PCGF5: variants seen among roughly 807,000 people sequenced by gnomAD.
The protein encoded by PCGF5 is polycomb group RING finger protein 5.
Under a neutral mutation model 44.3 loss-of-function variants are expected in PCGF5, and 9 were observed. The observed-to-expected ratio is 0.20, with a 90% confidence interval of 0.12 to 0.35. The LOEUF (loss-of-function observed/expected upper bound fraction) is 0.35, where lower values mean the gene tolerates loss of function less well. PCGF5 is among the 10% of genes least tolerant of loss of function. PCGF5 has a pLI of 1.00. For synonymous variants in PCGF5, 95 were observed against 102.5 expected (o/e 0.93, Z 0.44); for missense variants, 146 against 305.3 (o/e 0.48, Z 3.89).
At chr10:91,174,738 G>A (rs1319702249) in intron 1 of PCGF5, among the ~76,000 whole-genome samples, 1 of 152,110 alleles carries the variant, frequency 6.6e-6, no homozygotes, top group Non-Finnish European at 1.5e-5. Context: ...AAAAATTATG[G>A]CTGTTAAAAG....
chr10:91,172,250 C>G (rs1843622075), intron 1 of PCGF5, among the ~76,000 whole-genome samples: 1 of 152,052 alleles, frequency 6.6e-6, no homozygotes, highest in African/African-American at 2.4e-5. Context: ...CGTGATGAAA[C>G]CCTATTAAAA....
At chr10:91,239,232 G>C (rs990511822) in intron 2 of PCGF5, among the ~76,000 whole-genome samples, 1 of 152,122 alleles carries the variant, frequency 6.6e-6, no homozygotes, top group African/African-American at 2.4e-5. Flanking sequence ...GCTTTGTTTT[G>C]TTGGCCCCTG....
At chr10:91,179,238 A>G (rs1397149914) in intron 1 of PCGF5, among the ~76,000 whole-genome samples, 3 of 152,238 alleles carry the variant, frequency 2.0e-5, no homozygotes, top group Non-Finnish European at 4.4e-5. Flanking sequence ...TCAGAGGAAT[A>G]GGAGGAAAGC....
intron 1 of PCGF5, among the ~76,000 whole-genome samples, chr10:91,183,907 G>A (rs1398186441): frequency 6.6e-6 from 1 of 152,198 alleles, no homozygotes; most frequent in Non-Finnish European, 1.5e-5. Context: ...CTTCTGGCTT[G>A]TAGGGTTTCT....
chr10:91,275,251 A>G (rs1301405673), intron 9 of PCGF5, among the ~76,000 whole-genome samples: 2 of 152,072 alleles, frequency 1.3e-5, no homozygotes, highest in Non-Finnish European at 2.9e-5. Flanking sequence ...CAAGAAGGAA[A>G]CACAATGGGC....
chr10:91,284,142 C>G lies in PCGF5; in HGVS notation c.*5826C>G, dbSNP rs1846521189. 6.6e-6 allele frequency: 1 copy of G among 151,498 alleles called. No individual in the cohort carries two copies. The highest frequency in any genetic ancestry group is 1.5e-5 in the Non-Finnish European group (1 of 67,820). The allele number at this position is 151,498 out of a possible 1,614,324, so 9.4% of individuals were successfully genotyped here. A position where few individuals can be genotyped will look rare whatever the true frequency, so the allele number is the denominator to read the frequency against. Reference sequence around the variant, plus strand: ...CTGTTGATCTATGGAATGTTCTGTACAAAGCTGTATAATTGTACTGTTGGG... The same window carrying G: ...CTGTTGATCTATGGAATGTTCTGTAGAAAGCTGTATAATTGTACTGTTGGG... On this transcript the variant is annotated 3_prime_UTR_variant, in exon 10 of 10. Coordinates refer to ENST00000336126, the MANE Select transcript of PCGF5 (RefSeq NM_032373.5).
In PCGF5 at chr10:91,193,409, G is replaced by C. The variant is rs550525577; in HGVS notation, c.-183-29280G>C. Among the ~76,000 whole-genome samples, 225 of 147,584 alleles carry C rather than the reference G, an allele frequency of 1.5e-3. 1 individual carries two copies. Among genetic ancestry groups the C allele is most frequent in the Admixed American group, 4.1e-3 (60 of 14,774 alleles). On this transcript the variant is annotated intron_variant, in intron 1 of 9. Coordinates refer to the PCGF5 transcript ENST00000614189. ...TAAGCTACTTCATTAGTGGTAATTTGTCATGGCAGCAATAGAAAACTAAAA... is the reference window on the plus strand; with the variant it reads ...TAAGCTACTTCATTAGTGGTAATTTCTCATGGCAGCAATAGAAAACTAAAA...
At chr10:91,178,422 C>G (rs1242108417) in intron 1 of PCGF5, among the ~76,000 whole-genome samples, 2 of 148,812 alleles carry the variant, frequency 1.3e-5, no homozygotes, top group Non-Finnish European at 3.0e-5. Context: ...TAGGGTCTTG[C>G]TCTGTTGCCC....
intron 1 of PCGF5, among the ~76,000 whole-genome samples, chr10:91,206,987 C>A (rs1227219026): frequency 6.6e-6 from 1 of 152,122 alleles, no homozygotes; most frequent in Non-Finnish European, 1.5e-5. Flanking sequence ...TTGTTTATTG[C>A]CTATTTCCTT....
At chr10:91,267,606 C>G (rs1165547350) in intron 8 of PCGF5, among the ~76,000 whole-genome samples, 1 of 152,014 alleles carries the variant, frequency 6.6e-6, no homozygotes, top group Non-Finnish European at 1.5e-5. Flanking sequence ...TCCTTTTTTT[C>G]TGTTAAATTT....
intron 1 of PCGF5, among the ~76,000 whole-genome samples, chr10:91,169,866 A>G (rs955330972): frequency 4.6e-5 from 7 of 152,240 alleles, no homozygotes; most frequent in Non-Finnish European, 8.8e-5. Flanking sequence ...ACCTACCTTC[A>G]AGGCTTGCTA....
upstream of PCGF5, among the ~76,000 whole-genome samples, chr10:91,219,144 G>A (rs543844820): frequency 3.3e-5 from 5 of 152,080 alleles, no homozygotes; most frequent in Non-Finnish European, 7.3e-5. Context: ...CTCATCCCAA[G>A]TCCATTCTGG....
intron 2 of PCGF5, among the ~76,000 whole-genome samples, chr10:91,236,933 G>T (rs901492741): frequency 6.6e-6 from 1 of 152,108 alleles, no homozygotes; most frequent in Admixed American, 6.5e-5. Context: ...TGTACAAGTA[G>T]ACATATTTAA....
At chr10:91,195,692 C>A (rs747694922) in intron 1 of PCGF5, among the ~76,000 whole-genome samples, 1 of 151,916 alleles carries the variant, frequency 6.6e-6, no homozygotes, top group African/African-American at 2.4e-5. Flanking sequence ...CTGCTTTGGC[C>A]TCCCAGTGTT....
intron 1 of PCGF5, among the ~76,000 whole-genome samples, chr10:91,210,942 G>T (rs188964951): frequency 1.3e-5 from 2 of 152,272 alleles, no homozygotes. Flanking sequence ...AGACAGGTGA[G>T]CTGCTTCACA....
intron 9 of PCGF5, among the ~76,000 whole-genome samples, chr10:91,272,044 C>T (rs1045527133): frequency 6.6e-6 from 1 of 152,098 alleles, no homozygotes; most frequent in Non-Finnish European, 1.5e-5. Context: ...ATCATTCAAC[C>T]ACAAGTGAAA....
upstream of PCGF5, among the ~76,000 whole-genome samples, chr10:91,217,756 T>C (rs572602680): frequency 2.6e-5 from 4 of 152,338 alleles, no homozygotes; most frequent in Admixed American, 6.5e-5. Context: ...CCTTTCTTTC[T>C]TCCTTGTTTA....
intron 2 of PCGF5, among the ~76,000 whole-genome samples, chr10:91,234,609 T>C (rs1845101999): frequency 6.6e-6 from 1 of 152,258 alleles, no homozygotes; most frequent in Admixed American, 6.5e-5. Flanking sequence ...AAACTAATCA[T>C]AGTCTGATAT....
chr10:91,166,149 A>G (rs1843495655), intron 1 of PCGF5, among the ~76,000 whole-genome samples: 1 of 152,236 alleles, frequency 6.6e-6, no homozygotes, highest in African/African-American at 2.4e-5. Flanking sequence ...AAGAGTCAGA[A>G]CCAAGAGTCC....
Sources: allele counts gnomAD v4.1 joint callset (sites outside exome capture counted in the v4.1 genomes callset), GRCh38; gene constraint gnomAD v4.1.1; transcripts MANE v1.5; gene names NCBI Gene and HGNC (gene_info 2026-07-23, HGNC 2026-07-21).